CCDC93: variants seen among roughly 807,000 people sequenced by gnomAD.
CCDC93 encodes the protein CCC complex scaffolding subunit CCDC93.
CCDC93 carries 61 observed loss-of-function variants against 108.2 expected under a neutral mutation model. The observed-to-expected ratio is 0.56, with a 90% CI of 0.46 to 0.70. The LOEUF is 0.70. Among genes scored for constraint, CCDC93 ranks in the 30% least tolerant of loss-of-function variants. The probability of loss-of-function intolerance (pLI) is 0.00; values close to 1 mark genes in which losing one functional copy is unlikely to be tolerated. For missense variants in CCDC93, 685 were observed against 764.2 expected, an observed-to-expected ratio of 0.90 and a Z score of 1.22; for synonymous variants, 276 against 260.4, an observed-to-expected ratio of 1.06 and a Z score of -0.58.
In CCDC93 at chr2:117,985,941, G is replaced by A. The variant is rs762875160; in HGVS notation, c.620+28C>T. 4 of 1,326,560 alleles carry A rather than the reference G, an allele frequency of 3.0e-6. No individual in the cohort carries two copies. The South Asian group carries it at 4.8e-5, about 16-fold the overall frequency. 82.2% of individuals were successfully genotyped at this position (1,326,560 alleles called of 1,614,324 possible). On this transcript the variant is annotated intron_variant, in intron 7 of 23. Transcript: ENST00000376300. ...TTAAATTAGCTTTTCTTTTAAAAGA[G>A]ACACCTAGACTGGGTCCCACTCATT...
At chr2:117,951,603 G>A in intron 13 of CCDC93, 1 of 1,000,246 alleles carries the variant, frequency 1.0e-6, no homozygotes, top group African/African-American at 1.7e-5. Context: ...GAAGTACGAG[G>A]TAGGGACCTT....
chr2:117,977,442 AG>A (rs1177307791), intron 8 of CCDC93, among the ~76,000 whole-genome samples: 9 of 152,350 alleles, frequency 5.9e-5, no homozygotes, highest in African/African-American at 2.2e-4. Context: ...CCTGGAACAC[AG>A]AAAGAGTTTA....
intron 11 of CCDC93, among the ~76,000 whole-genome samples, chr2:117,971,999 G>A (rs936896253): frequency 1.3e-5 from 2 of 152,146 alleles, no homozygotes; most frequent in Admixed American, 6.5e-5. Flanking sequence ...GTATATGTGG[G>A]GGATTGGTTC....
chr2:118,002,873 T>TA (rs1676747045), intron 3 of CCDC93, among the ~76,000 whole-genome samples: 2 of 152,068 alleles, frequency 1.3e-5, no homozygotes, highest in East Asian at 3.9e-4. Context: ...CTTGTCTGCA[T>TA]AAAAAAATTT....
intron 13 of CCDC93, 104 bp from the exon 14 acceptor site, chr2:117,949,499 A>T (rs1678982099): frequency 1.2e-6 from 1 of 851,534 alleles, no homozygotes; most frequent in Non-Finnish European, 1.9e-6. Context: ...TAAAGAAGAA[A>T]CTTAAACTTG....
rs1258223503 is a variant in CCDC93 at position 117,995,496 on chromosome 2, C to A, written c.469G>T (p.Asp157Tyr). Reference sequence around the variant, plus strand: ...GCCTTTTCTTTTCTCTTTATGAAGTCATCATCCTACAAGACAAAACAGAGC... The same window carrying A: ...GCCTTTTCTTTTCTCTTTATGAAGTAATCATCCTACAAGACAAAACAGAGC... The part of the protein sequence containing the change: ...QKTYSLPEDD[D>Y]FIKRKEKAIK... The change falls in exon 6 of 24, where the codon GAC becomes TAC. Residue 157 changes from aspartate (D) to tyrosine (Y), a missense_variant. Coordinates refer to ENST00000376300, the MANE Select transcript of CCDC93 (RefSeq NM_019044.5). The A allele has an allele frequency of 1.2e-6, 2 of 1,612,824 alleles. No individual in the cohort carries two copies. The highest frequency in any genetic ancestry group is 3.3e-5 in the Admixed American group (2 of 60,014).
rs1677726447 is a variant in CCDC93 at position 117,917,607 on chromosome 2, G to T, written c.*2736C>A. 1 of 152,268 alleles carries T rather than the reference G, an allele frequency of 6.6e-6. No individual in the cohort carries two copies. The highest frequency in any genetic ancestry group is 2.4e-5 in the African/African-American group (1 of 41,436). 9.4% of individuals were successfully genotyped at this position (152,268 alleles called of 1,614,324 possible). A position where few individuals can be genotyped will look rare whatever the true frequency, so the allele number is the denominator to read the frequency against. Reference sequence around the variant, plus strand: ...TTGCCCTCTGTTAAAACAACCCTCAGTGTGACTCTGACGACTGTTTAACAT... The same window carrying T: ...TTGCCCTCTGTTAAAACAACCCTCATTGTGACTCTGACGACTGTTTAACAT... On this transcript the variant is annotated 3_prime_UTR_variant, in exon 24 of 24. Transcript: ENST00000376300.
At chr2:117,985,945 C>T (rs561768233) in intron 7 of CCDC93, 24 bp downstream of exon 7, 160 of 1,407,236 alleles carry the variant, frequency 1.1e-4, no homozygotes, top group Non-Finnish European at 1.6e-4. Flanking sequence ...AAAAGAGACA[C>T]CTAGACTGGG....
intron 11 of CCDC93, among the ~76,000 whole-genome samples, chr2:117,966,057 T>C (rs1339397868): frequency 6.6e-6 from 1 of 152,206 alleles, no homozygotes; most frequent in Admixed American, 6.5e-5. Context: ...ATTGATTCTT[T>C]TGGGTCAATT....
chr2:117,950,055 G>C, intron 13 of CCDC93: 12 of 985,422 alleles, frequency 1.2e-5, no homozygotes, highest in Non-Finnish European at 1.4e-5. Flanking sequence ...GTGATACCCA[G>C]CAGAAATGGG....
In CCDC93 at chr2:117,995,447, G is replaced by A; in HGVS notation, c.518C>T (p.Ser173Leu). ...GAAGAATACGGCCAGGGGACTTACTGAGAGGTCCACAACTGTCTTGATGGC... is the reference window on the plus strand; with the variant it reads ...GAAGAATACGGCCAGGGGACTTACTAAGAGGTCCACAACTGTCTTGATGGC... Reference protein sequence around the residue: ...EKAIKTVVDLSEVYKPRRKYK... With the variant: ...EKAIKTVVDLLEVYKPRRKYK... Residue 173 changes from serine (S) to leucine (L), a missense_variant and splice_region_variant, in exon 6 of 24, where the codon TCA becomes TTA. Coordinates refer to ENST00000376300, the MANE Select transcript of CCDC93 (RefSeq NM_019044.5). 1.2e-6 allele frequency: 2 copies of A among 1,611,120 alleles called. No individual in the cohort carries two copies. The highest frequency in any genetic ancestry group is 8.5e-7 in the Non-Finnish European group (1 of 1,177,200).
chr2:117,920,424 G>A (rs945594980), intron 23 of CCDC93, 28 bp from the exon 24 acceptor site: 13 of 1,564,542 alleles, frequency 8.3e-6, no homozygotes, highest in African/African-American at 1.4e-5. Context: ...AGTATAGAGA[G>A]AGTGGTGACT....
chr2:117,991,440 A>G (rs1054714511), intron 6 of CCDC93, among the ~76,000 whole-genome samples: 1 of 152,234 alleles, frequency 6.6e-6, no homozygotes, highest in East Asian at 1.9e-4. Context: ...AGAGCAGGTG[A>G]AAAGCCAGAA....
intron 11 of CCDC93, among the ~76,000 whole-genome samples, chr2:117,970,141 G>A (rs548107266): frequency 6.6e-6 from 1 of 152,248 alleles, no homozygotes; most frequent in South Asian, 2.1e-4. Context: ...CACCATGCAT[G>A]ACTTTACCAC....
At position 117,917,463 on chromosome 2, in the gene CCDC93, T is replaced by C. The variant is rs909568988; in HGVS notation, c.*2880A>G. 6.6e-6 allele frequency: 1 copy of C among 152,660 alleles called. No individual in the cohort carries two copies. Among genetic ancestry groups the C allele is most frequent in the Non-Finnish European group, 1.5e-5 (1 of 68,092 alleles). 9.5% of individuals were successfully genotyped at this position (152,660 alleles called of 1,614,324 possible). On this transcript the variant is annotated 3_prime_UTR_variant, in exon 24 of 24. Transcript: ENST00000376300. ...ACCCTGGACCTTCTGGTTGTGCTGA[T>C]GGACTCAGCGGACACTGGCAGGACC... is the stretch of plus-strand genomic sequence containing the variant.
At chr2:117,970,516 C>T (rs1401113868) in intron 11 of CCDC93, among the ~76,000 whole-genome samples, 3 of 151,638 alleles carry the variant, frequency 2.0e-5, no homozygotes, top group Non-Finnish European at 4.4e-5. Context: ...AAAAACAATA[C>T]AAAAGTAAAA....
At chr2:117,995,617 G>A (rs972824739) in intron 5 of CCDC93, 115 bp from the exon 6 acceptor site, 22 of 812,650 alleles carry the variant, frequency 2.7e-5, no homozygotes, top group East Asian at 5.1e-5. Context: ...TTTGCCTGAC[G>A]AAGTCTCAAT....
At position 117,979,708 on chromosome 2, in the gene CCDC93, G is replaced by A. The variant is rs553041318; in HGVS notation, c.621-1678C>T. 2.0e-5 allele frequency among the ~76,000 whole-genome samples: 3 copies of A among 152,246 alleles called. No homozygotes were observed. In the East Asian group the frequency reaches 5.8e-4, roughly 29 times the overall value. Reference sequence around the variant, plus strand: ...TCCACCCTTTAGAAATAAACCTATAGGTCCAAAGTGTAGCAGACCAAGGTT... The same window carrying A: ...TCCACCCTTTAGAAATAAACCTATAAGTCCAAAGTGTAGCAGACCAAGGTT... On this transcript the variant is annotated intron_variant, in intron 7 of 23. Transcript: ENST00000376300.
chr2:117,944,159 G>A, intron 17 of CCDC93, 73 bp from the exon 18 acceptor site: 1 of 1,104,932 alleles, frequency 9.1e-7, no homozygotes, highest in Admixed American at 2.4e-5. Flanking sequence ...TTTGAAAGTT[G>A]AATATGTTTT....
Sources: allele counts gnomAD v4.1 joint callset (sites outside exome capture counted in the v4.1 genomes callset), GRCh38; gene constraint gnomAD v4.1.1; transcripts MANE v1.5; gene names NCBI Gene and HGNC (gene_info 2026-07-23, HGNC 2026-07-21).